The following NCAPD3 variants were observed in gnomAD, a reference collection of about 807,000 sequenced individuals.
NCAPD3 encodes the protein condensin-2 complex subunit D3.
NCAPD3 carries 105 observed loss-of-function variants against 182.9 expected under a neutral mutation model. That is an observed-to-expected ratio of 0.57 (90% CI 0.49 to 0.68). The LOEUF (loss-of-function observed/expected upper bound fraction) is 0.68, where lower values mean the gene tolerates loss of function less well. NCAPD3 is among the 30% of genes least tolerant of loss of function. The pLI is 0.00. For missense variants in NCAPD3, 1,944 were observed against 1,837.0 expected (o/e 1.06, Z -1.07); for synonymous variants, 815 against 679.9 (o/e 1.20, Z -3.09).
In NCAPD3 at chr11:134,168,134, C is replaced by A; in HGVS notation, c.3435G>T (p.Thr1145=). ...DLDASELLSD[T]FEVLSSKEIK... ...TCTCCTTTGAGCTGAGGACCTCAAA[C>A]GTGTCTGAGAGTAACTCACTGGCGT... Residue 1145 remains threonine, a synonymous_variant, in exon 27 of 35, where the codon ACG becomes ACT. Coordinates refer to ENST00000534548, the MANE Select transcript of NCAPD3 (RefSeq NM_015261.3). The A allele has an allele frequency of 6.2e-7, 1 of 1,614,112 alleles. No individual in the cohort carries two copies. Among genetic ancestry groups the A allele is most frequent in the Non-Finnish European group, 8.5e-7 (1 of 1,179,976 alleles).
Position 134,158,401 on chromosome 11 carries a change from C to G in NCAPD3, c.3962G>C (p.Ser1321Thr). The G allele has an allele frequency of 1.2e-6, 2 of 1,614,230 alleles. No individual in the cohort carries two copies. The highest frequency in any genetic ancestry group is 1.7e-6 in the Non-Finnish European group (2 of 1,180,036). Reference protein sequence around the residue: ...AVSQPCTPRASAGHVAVSSPT... With the variant: ...AVSQPCTPRATAGHVAVSSPT... Reference sequence around the variant, plus strand: ...AGATGATACTGCTACATGGCCAGCACTTGCCCTGGGTGTGCAGGGCTGGCT... The same window carrying G: ...AGATGATACTGCTACATGGCCAGCAGTTGCCCTGGGTGTGCAGGGCTGGCT... The change falls in exon 30 of 35, where the codon AGT becomes ACT. Residue 1321 changes from serine (S) to threonine (T), a missense_variant. Ser to Thr is a moderately conservative substitution (Grantham distance 58). This residue lies in a region of NCAPD3 where 1,803 missense variants were observed against 1,674.6 expected (regional missense o/e 1.08). Transcript: ENST00000534548.
chr11:134,193,645 C>A (rs1213187172), intron 15 of NCAPD3, among the ~76,000 whole-genome samples: 1 of 152,178 alleles, frequency 6.6e-6, no homozygotes, highest in Non-Finnish European at 1.5e-5. Flanking sequence ...CCCAGCTACA[C>A]AGGAGGCTGA....
intron 3 of NCAPD3, among the ~76,000 whole-genome samples, chr11:134,213,622 C>A: frequency 6.7e-6 from 1 of 148,334 alleles, no homozygotes; most frequent in African/African-American, 2.5e-5. Flanking sequence ...GTGGCCTCGT[C>A]TCTCTTAAAA....
chr11:134,153,111 C>T, intron 34 of NCAPD3, 29 bp downstream of exon 34: 1 of 1,613,062 alleles, frequency 6.2e-7, no homozygotes, highest in Non-Finnish European at 8.5e-7. Flanking sequence ...CAGAAACATC[C>T]ACCTCAAAAG....
chr11:134,167,979 G>C lies in NCAPD3; in HGVS notation c.3573+17C>G, dbSNP rs1201100285. 3 of 1,611,348 alleles carry C rather than the reference G, an allele frequency of 1.9e-6. No individual in the cohort carries two copies. The Admixed American group carries it at 5.0e-5, about 27-fold the overall frequency. On this transcript the variant is annotated intron_variant, in intron 27 of 34. Transcript: ENST00000534548. ...CTCACTTGTGAGAAGATGATCTTAGGGGAGCAACACACTCACTTGTGAGAT... is the reference window on the plus strand; with the variant it reads ...CTCACTTGTGAGAAGATGATCTTAGCGGAGCAACACACTCACTTGTGAGAT...
chr11:134,156,655 G>A (rs893687511), intron 32 of NCAPD3, among the ~76,000 whole-genome samples: 1 of 152,124 alleles, frequency 6.6e-6, no homozygotes, highest in Non-Finnish European at 1.5e-5. Context: ...CCCGCCCTGG[G>A]AGCAGGCCCA....
At chr11:134,191,832 A>T (rs1944530806) in intron 16 of NCAPD3, among the ~76,000 whole-genome samples, 1 of 152,192 alleles carries the variant, frequency 6.6e-6, no homozygotes. Flanking sequence ...TTGGGGATGG[A>T]ACCAAAGTCT....
At chr11:134,220,385 A>G (rs908024756) in intron 2 of NCAPD3, among the ~76,000 whole-genome samples, 187 bp downstream of exon 2, 2 of 152,034 alleles carry the variant, frequency 1.3e-5, no homozygotes, top group Non-Finnish European at 2.9e-5. Context: ...AAAATCAGAC[A>G]AGTACCTTGA....
At chr11:134,223,359 G>C (rs1938312112) in intron 1 of NCAPD3, 1 of 694,364 alleles carries the variant, frequency 1.4e-6, no homozygotes, top group Non-Finnish European at 2.6e-6. Flanking sequence ...GGCATGAAAG[G>C]GGAAGCAGAA....
In NCAPD3 at chr11:134,203,805, T is replaced by G; in HGVS notation, c.1317A>C (p.Leu439Phe). 1 of 1,614,202 alleles carries G rather than the reference T, an allele frequency of 6.2e-7. No individual in the cohort carries two copies. Among genetic ancestry groups the G allele is most frequent in the Non-Finnish European group, 8.5e-7 (1 of 1,180,044 alleles). The change falls in exon 11 of 35, where the codon TTA becomes TTC. Residue 439 changes from leucine (L) to phenylalanine (F), a missense_variant. This residue lies in a region of NCAPD3 where 1,803 missense variants were observed against 1,674.6 expected (regional missense o/e 1.08). Transcript: ENST00000534548. ...TTTCCTGCACCAGGAACTTATGCTT[T>G]AAGAACTTCTGATGCTCCAAGGAGA... ...NTLSLEHQKF[L>F]KHKFLVQEIM...
In NCAPD3 at chr11:134,206,655, G is replaced by A; in HGVS notation, c.960C>T (p.Pro320=). ...TGATGACTTGGGAGGTAACAGCAAGGGGGGCACGATGGGATCCTTCACCAA... is the reference window on the plus strand; with the variant it reads ...TGATGACTTGGGAGGTAACAGCAAGAGGGGCACGATGGGATCCTTCACCAA... The part of the protein sequence containing the change: ...LEVGEGSHRA[P]LAVTSQVINC... Residue 320 remains proline (P), a synonymous_variant, in exon 8 of 35, where the codon CCC becomes CCT. Coordinates refer to ENST00000534548, the MANE Select transcript of NCAPD3 (RefSeq NM_015261.3). 2 of 1,613,710 alleles carry A rather than the reference G, an allele frequency of 1.2e-6. No individual in the cohort carries two copies. Among genetic ancestry groups the A allele is most frequent in the African/African-American group, 1.3e-5 (1 of 75,010 alleles).
chr11:134,191,585 C>A (rs2135994919), intron 16 of NCAPD3, among the ~76,000 whole-genome samples: 1 of 152,260 alleles, frequency 6.6e-6, no homozygotes, highest in African/African-American at 2.4e-5. Context: ...TGCTTTTTTG[C>A]AAAGAATGAC....
chr11:134,213,706 T>C (rs1204813627), intron 3 of NCAPD3, among the ~76,000 whole-genome samples: 4 of 151,306 alleles, frequency 2.6e-5, no homozygotes, highest in East Asian at 3.9e-4. Flanking sequence ...TATAAACATA[T>C]GGATAGGTTA....
Position 134,160,062 on chromosome 11 carries a change from C to T in NCAPD3, c.3697G>A (p.Asp1233Asn), listed in dbSNP as rs369723122. Residue 1233 changes from aspartate to asparagine, a missense_variant, in exon 29 of 35, where the codon GAT becomes AAT. Asp to Asn is a conservative substitution (Grantham distance 23). Transcript: ENST00000534548. The part of the protein sequence containing the change: ...LMHYLREVMQ[D>N]YRDELKDFFA... ...AAGTCCTTGAGCTCATCTCGGTAAT[C>T]CTGCATCACCTCCTGAAACAGAGCC... is the stretch of plus-strand genomic sequence containing the variant. 1.2e-6 allele frequency: 2 copies of T among 1,614,018 alleles called. No homozygotes were observed. Among genetic ancestry groups the T allele is most frequent in the Non-Finnish European group, 1.7e-6 (2 of 1,179,984 alleles).
At chr11:134,158,250 C>A (rs888181702) in intron 30 of NCAPD3, 79 bp downstream of exon 30, 11 of 1,571,670 alleles carry the variant, frequency 7.0e-6, no homozygotes, top group Non-Finnish European at 9.6e-6. Flanking sequence ...TTCCTGCCCA[C>A]GCTTGGGAAT....
rs1172520749 is a variant in NCAPD3, at chr11:134,158,143, C to T, written c.4035-76G>A. On this transcript the variant is annotated intron_variant, in intron 30 of 34. Coordinates refer to ENST00000534548, the MANE Select transcript of NCAPD3 (RefSeq NM_015261.3). ...AGGTGACAGTGCTGCACTGTGTCCC[C>T]GCGTGCCTCCTCACCGGCGCATCCC... 1.9e-5 allele frequency: 29 copies of T among 1,554,132 alleles called. No individual in the cohort carries two copies. In the East Asian group the frequency reaches 2.0e-4, roughly 11 times the overall value.
chr11:134,217,426 G>C (rs141302700), intron 2 of NCAPD3, among the ~76,000 whole-genome samples: 1,944 of 152,038 alleles, frequency 0.013, 36 homozygotes, highest in African/African-American at 0.044. Flanking sequence ...ATATATTAGT[G>C]ATTATTCAGG....
chr11:134,184,772 C>G lies in NCAPD3; in HGVS notation c.2336-20G>C. 1 of 1,579,814 alleles carries G rather than the reference C, an allele frequency of 6.3e-7. No individual in the cohort carries two copies. The highest frequency in any genetic ancestry group is 8.7e-7 in the Non-Finnish European group (1 of 1,150,464). ...CAGCATCTATGAAGGAAGTCAAAACCCCTGAAGTTCAACTGCTTAAATATA... is the reference window on the plus strand; with the variant it reads ...CAGCATCTATGAAGGAAGTCAAAACGCCTGAAGTTCAACTGCTTAAATATA... On this transcript the variant is annotated intron_variant, in intron 18 of 34. Coordinates refer to ENST00000534548, the MANE Select transcript of NCAPD3 (RefSeq NM_015261.3).
In NCAPD3 at chr11:134,152,322, T is replaced by G. The variant is rs1943265726; in HGVS notation, c.*622A>C. On this transcript the variant is annotated 3_prime_UTR_variant, in exon 35 of 35. Transcript: ENST00000534548. ...CTGCCCTTCAAGACAATCATCTTTT[T>G]TCTAATAGGGAAGATTTGGTTTCAT... 6.6e-6 allele frequency: 1 copy of G among 152,268 alleles called. No homozygotes were observed. Among genetic ancestry groups the G allele is most frequent in the East Asian group, 1.9e-4 (1 of 5,204 alleles). The allele number at this position is 152,268 out of a possible 1,614,324, so 9.4% of individuals were successfully genotyped here.
Sources: allele counts gnomAD v4.1 joint callset (sites outside exome capture counted in the v4.1 genomes callset), GRCh38; gene constraint gnomAD v4.1.1; regional missense constraint gnomAD v4.1.1; transcripts MANE v1.5; gene names NCBI Gene and HGNC (gene_info 2026-07-23, HGNC 2026-07-21).